The following DEPDC7 variants were observed in gnomAD, a reference collection of about 807,000 sequenced individuals.
The protein encoded by DEPDC7 is DEP domain-containing protein 7.
In DEPDC7, 41 loss-of-function variants were observed where a neutral mutation model predicts 56.6. The ratio of observed to expected loss-of-function variants is 0.72; its 90% CI spans 0.56 to 0.94. The LOEUF is 0.94. Ranked by LOEUF, DEPDC7 falls within the 40% of genes least tolerant of loss-of-function variation. The pLI is 0.00. For synonymous variants in DEPDC7, 185 were observed against 208.8 expected (o/e 0.89, Z 0.98); for missense variants, 522 against 596.3 (o/e 0.88, Z 1.30).
chr11:33,025,734 T>G lies in DEPDC7; in HGVS notation c.149T>G (p.Val50Gly). 1.9e-6 allele frequency: 3 copies of G among 1,614,094 alleles called. No homozygotes were observed. In the South Asian group the frequency reaches 3.3e-5, roughly 18 times the overall value. Residue 50 changes from valine to glycine, a missense_variant, in exon 2 of 9, where the codon GTG (valine) becomes GGG (glycine). Coordinates refer to ENST00000241051, the MANE Select transcript of DEPDC7 (RefSeq NM_001077242.2). ...SSIINTLQTQVEVKKRRHRLK... is the reference protein window; with the variant it reads ...SSIINTLQTQGEVKKRRHRLK... ...ATCATAAACACTCTTCAAACACAAG[T>G]GGAAGTGAAAAAACGAAGGCACCGT... is the stretch of plus-strand genomic sequence containing the variant.
At chr11:33,022,861 A>G (rs1022440897) in intron 1 of DEPDC7, among the ~76,000 whole-genome samples, 1 of 152,228 alleles carries the variant, frequency 6.6e-6, no homozygotes, top group African/African-American at 2.4e-5. Flanking sequence ...AGTTCCTGAA[A>G]TAGCTCACAT....
At chr11:33,028,535 A>G in intron 3 of DEPDC7, 68 bp from the exon 4 acceptor site, 1 of 1,336,944 alleles carries the variant, frequency 7.5e-7, no homozygotes, top group Non-Finnish European at 1.0e-6. Context: ...CCTGCTTAGA[A>G]AAATATTATG....
At chr11:33,018,056 A>C (rs976173129) in intron 1 of DEPDC7, among the ~76,000 whole-genome samples, 22 of 152,100 alleles carry the variant, frequency 1.4e-4, no homozygotes, top group Admixed American at 4.6e-4. Context: ...AGATATTGTA[A>C]ATTTTTCTTG....
At chr11:33,023,155 A>G (rs554371314) in intron 1 of DEPDC7, among the ~76,000 whole-genome samples, 1 of 151,550 alleles carries the variant, frequency 6.6e-6, no homozygotes, top group Non-Finnish European at 1.5e-5. Flanking sequence ...GCATGAACCC[A>G]GGAGGCGGAG....
rs1329237408 is a variant in DEPDC7 at position 33,032,704 on chromosome 11, A to G, written c.1174A>G (p.Lys392Glu). The change falls in exon 7 of 9, where the codon AAA (lysine) becomes GAA (glutamate). Residue 392 changes from lysine to glutamate, a missense_variant. Physicochemically the swap from Lys to Glu is moderately conservative, Grantham distance 56 (BLOSUM62 1). Coordinates refer to ENST00000241051, the MANE Select transcript of DEPDC7 (RefSeq NM_001077242.2). The part of the protein sequence containing the change: ...NRMVVKRIFS[K>E]AIVDNKNLSK... ...AATGGTTGTGAAAAGGATATTCTCA[A>G]AAGCTATTGTTGACAATAAAAATTT... 2.5e-6 allele frequency: 4 copies of G among 1,603,940 alleles called. No homozygotes were observed. Among genetic ancestry groups the G allele is most frequent in the Non-Finnish European group, 8.5e-7 (1 of 1,174,498 alleles).
chr11:33,024,428 A>G (rs1001348633), intron 1 of DEPDC7, among the ~76,000 whole-genome samples: 1 of 152,074 alleles, frequency 6.6e-6, no homozygotes, highest in South Asian at 2.1e-4. Context: ...GTGTGTATCA[A>G]TGTGTATGTG....
chr11:33,031,708 A>C, intron 5 of DEPDC7, 119 bp downstream of exon 5: 2 of 781,072 alleles, frequency 2.6e-6, no homozygotes, highest in Non-Finnish European at 4.1e-6. Context: ...GGATTAATTC[A>C]TGGAAAGTAT....
At chr11:33,024,829 T>C (rs1853561208) in intron 1 of DEPDC7, among the ~76,000 whole-genome samples, 1 of 151,692 alleles carries the variant, frequency 6.6e-6, no homozygotes, top group African/African-American at 2.4e-5. Context: ...TGTGTGTGTG[T>C]GTGTGTGTGT....
intron 1 of DEPDC7, 151 bp from the exon 2 acceptor site, chr11:33,025,508 A>G: frequency 2.8e-6 from 2 of 721,916 alleles, no homozygotes; most frequent in South Asian, 2.0e-5. Flanking sequence ...ATGAATCGCT[A>G]TTAAAACAGT....
At chr11:33,016,923 G>A (rs72901277) in intron 1 of DEPDC7, among the ~76,000 whole-genome samples, 2 of 152,040 alleles carry the variant, frequency 1.3e-5, no homozygotes, top group Non-Finnish European at 2.9e-5. Flanking sequence ...CTGGGATGTC[G>A]TAGGAATTAG....
At chr11:33,032,266 C>T (rs1853639901) in intron 5 of DEPDC7, 70 bp from the exon 6 acceptor site, 7 of 1,369,832 alleles carry the variant, frequency 5.1e-6, no homozygotes, top group Non-Finnish European at 6.9e-6. Context: ...CAAACTGTAA[C>T]TTGAGTTTTG....
At chr11:33,028,305 C>G (rs1416733682) in intron 3 of DEPDC7, 5 of 261,138 alleles carry the variant, frequency 1.9e-5, no homozygotes, top group Admixed American at 5.2e-5. Context: ...TTGAATGAAT[C>G]ATTCTTTCTT....
chr11:33,032,497 T>C lies in DEPDC7; in HGVS notation c.1137+19T>C, dbSNP rs746916043. 1.3e-6 allele frequency: 2 copies of C among 1,546,850 alleles called. No homozygotes were observed. Among genetic ancestry groups the C allele is most frequent in the Non-Finnish European group, 1.7e-6 (2 of 1,156,584 alleles). ...GAAAGAAGTAAGTCTTTTGTTTAACTGTTAGTTGTATTTAATATCCTTAAT... is the reference window on the plus strand; with the variant it reads ...GAAAGAAGTAAGTCTTTTGTTTAACCGTTAGTTGTATTTAATATCCTTAAT... On this transcript the variant is annotated intron_variant, in intron 6 of 8. Coordinates refer to ENST00000241051, the MANE Select transcript of DEPDC7 (RefSeq NM_001077242.2).
At chr11:33,026,516 C>T (rs965968418) in intron 2 of DEPDC7, 2 of 226,932 alleles carry the variant, frequency 8.8e-6, no homozygotes. Context: ...CTTTGTTACC[C>T]TCAGCTAAAC....
intron 4 of DEPDC7, among the ~76,000 whole-genome samples, chr11:33,031,106 G>T (rs1448142198): frequency 6.6e-6 from 1 of 152,152 alleles, no homozygotes; most frequent in African/African-American, 2.4e-5. Flanking sequence ...GTTTGAATTT[G>T]TACGCTCTTT....
intron 4 of DEPDC7, among the ~76,000 whole-genome samples, chr11:33,030,889 T>C (rs1467407792): frequency 6.6e-6 from 1 of 152,152 alleles, no homozygotes; most frequent in African/African-American, 2.4e-5. Context: ...AGGCCTGATG[T>C]GTAATTATTT....
intron 1 of DEPDC7, among the ~76,000 whole-genome samples, chr11:33,020,401 G>A (rs1853511820): frequency 6.6e-6 from 1 of 152,178 alleles, no homozygotes; most frequent in Admixed American, 6.5e-5. Flanking sequence ...AAATAAGGAT[G>A]AGACTGCTTG....
intron 1 of DEPDC7, chr11:33,016,473 C>A: frequency 6.2e-7 from 1 of 1,606,148 alleles, no homozygotes; most frequent in South Asian, 1.1e-5. Context: ...CCTCCCTTGC[C>A]CACTTTGTTC....
At chr11:33,029,601 A>T (rs906318719) in intron 4 of DEPDC7, among the ~76,000 whole-genome samples, 19 of 151,576 alleles carry the variant, frequency 1.3e-4, no homozygotes, top group Admixed American at 2.0e-4. Context: ...GGGAATTAAA[A>T]TTTTTTTTTC....
Sources: allele counts gnomAD v4.1 joint callset (sites outside exome capture counted in the v4.1 genomes callset), GRCh38; gene constraint gnomAD v4.1.1; transcripts MANE v1.5; gene names NCBI Gene and HGNC (gene_info 2026-07-23, HGNC 2026-07-21).